The following GRM7 variants were observed in gnomAD, a reference collection of about 807,000 sequenced individuals.
GRM7 encodes metabotropic glutamate receptor 7.
In GRM7, 35 loss-of-function variants were observed where a neutral mutation model predicts 84.5. The ratio of observed to expected loss-of-function variants is 0.41; its 90% CI spans 0.32 to 0.55. The LOEUF is 0.55. Among genes scored for constraint, GRM7 ranks in the 20% least tolerant of loss-of-function variants. GRM7 has a pLI of 0.19. For missense variants in GRM7, 1,003 were observed against 1,194.6 expected, an observed-to-expected ratio of 0.84 and a Z score of 2.36; for synonymous variants, 487 against 455.1, an observed-to-expected ratio of 1.07 and a Z score of -0.89.
intron 1 of GRM7, chr3:6,956,644 T>G (rs897946159): frequency 2.2e-6 from 1 of 456,736 alleles, no homozygotes; most frequent in South Asian, 1.5e-5. Context: ...ATCTTTTCTG[T>G]GCATGTTTAC....
intron 2 of GRM7, among the ~76,000 whole-genome samples, chr3:7,242,917 T>G (rs1188586422): frequency 6.6e-6 from 1 of 152,130 alleles, no homozygotes; most frequent in African/African-American, 2.4e-5. Context: ...AAATTGACAA[T>G]GTGGAGCCAT....
chr3:7,446,422 C>A (rs796403008), intron 5 of GRM7, among the ~76,000 whole-genome samples: 1 of 149,956 alleles, frequency 6.7e-6, no homozygotes, highest in African/African-American at 2.4e-5. Flanking sequence ...TTTTGAAACA[C>A]GATTTTGTTG....
intron 2 of GRM7, among the ~76,000 whole-genome samples, chr3:7,274,192 CT>C (rs1698968957): frequency 6.6e-6 from 1 of 151,900 alleles, no homozygotes; most frequent in African/African-American, 2.4e-5. Flanking sequence ...CTTCTAGTCC[CT>C]TGTATCATTG....
At chr3:7,503,063 A>C (rs555953156) in intron 7 of GRM7, among the ~76,000 whole-genome samples, 22 of 152,284 alleles carry the variant, frequency 1.4e-4, no homozygotes, top group African/African-American at 5.3e-4. Context: ...CCCTGTCACT[A>C]TACTGTGTCT....
At chr3:7,740,291 A>G in intron 9 of GRM7, 66 bp from the exon 10 acceptor site, 1 of 1,017,964 alleles carries the variant, frequency 9.8e-7, no homozygotes, top group Non-Finnish European at 1.5e-6. Flanking sequence ...GAAAAGTTCT[A>G]ATTCTATTTC....
intron 7 of GRM7, among the ~76,000 whole-genome samples, chr3:7,548,406 C>T (rs1383935004): frequency 6.6e-6 from 1 of 152,204 alleles, no homozygotes; most frequent in Non-Finnish European, 1.5e-5. Flanking sequence ...TAGTGCCCTG[C>T]TTCTGGTATA....
chr3:7,533,051 A>G (rs1181974402), intron 7 of GRM7, among the ~76,000 whole-genome samples: 2 of 152,056 alleles, frequency 1.3e-5, no homozygotes, highest in African/African-American at 2.4e-5. Flanking sequence ...AATAATGGAG[A>G]ATTTAACACC....
At chr3:7,377,078 A>G (rs779996692) in intron 4 of GRM7, among the ~76,000 whole-genome samples, 28 of 152,388 alleles carry the variant, frequency 1.8e-4, no homozygotes, top group Middle Eastern at 3.4e-3. Context: ...ATTGAAAAAC[A>G]TGAAGATGTC....
At chr3:7,125,176 G>A (rs576922081) in intron 1 of GRM7, among the ~76,000 whole-genome samples, 17 of 152,248 alleles carry the variant, frequency 1.1e-4, no homozygotes, top group Middle Eastern at 3.4e-3. Context: ...CTGACCTCAA[G>A]TGTTCCGCCT....
In GRM7 at chr3:7,060,980, C is replaced by G. The variant is rs114879432; in HGVS notation, c.520-85472C>G. Among the ~76,000 whole-genome samples the G allele has an allele frequency of 5.3e-3, 807 of 151,878 alleles. 13 individuals carry two copies. The highest frequency in any genetic ancestry group is 3.6e-3 in the Non-Finnish European group (245 of 67,822). ...AACACACTGCCGTTGAATCCATAAG[C>G]CTTTTCCCAAGCTATTTCTGTGAAT... On this transcript the variant is annotated intron_variant, in intron 1 of 9. Transcript: ENST00000357716.
intron 1 of GRM7, among the ~76,000 whole-genome samples, chr3:6,912,375 G>A (rs1474024598): frequency 1.3e-5 from 2 of 152,076 alleles, no homozygotes; most frequent in Admixed American, 1.3e-4. Context: ...TTGGTGGAAC[G>A]TTTTAAAGGA....
At chr3:7,672,387 C>A (rs964687911) in intron 8 of GRM7, among the ~76,000 whole-genome samples, 1 of 152,124 alleles carries the variant, frequency 6.6e-6, no homozygotes. Flanking sequence ...TAATAATGTA[C>A]CCTTCCTCTT....
intron 8 of GRM7, among the ~76,000 whole-genome samples, chr3:7,583,164 G>GC (rs1695343000): frequency 6.6e-6 from 1 of 152,192 alleles, no homozygotes; most frequent in Non-Finnish European, 1.5e-5. Flanking sequence ...CAAGGCTTGG[G>GC]CCAGAGACCA....
intron 2 of GRM7, among the ~76,000 whole-genome samples, chr3:7,212,926 G>A (rs1281069690): frequency 2.0e-5 from 3 of 152,158 alleles, no homozygotes; most frequent in Non-Finnish European, 4.4e-5. Context: ...ATAGTGGCTG[G>A]AGTGGAGGGA....
chr3:7,208,857 T>C (rs1381837506), intron 2 of GRM7, among the ~76,000 whole-genome samples: 1 of 152,178 alleles, frequency 6.6e-6, no homozygotes, highest in Non-Finnish European at 1.5e-5. Context: ...GAGGGTATAA[T>C]AGATAAGCAA....
intron 2 of GRM7, among the ~76,000 whole-genome samples, chr3:7,157,960 A>G (rs1489954399): frequency 6.6e-6 from 1 of 152,138 alleles, no homozygotes; most frequent in Non-Finnish European, 1.5e-5. Flanking sequence ...AAGGATGAGA[A>G]TCTCCTGGTA....
At chr3:7,063,086 G>T (rs1697489582) in intron 1 of GRM7, among the ~76,000 whole-genome samples, 1 of 151,616 alleles carries the variant, frequency 6.6e-6, no homozygotes, top group Non-Finnish European at 1.5e-5. Flanking sequence ...CAAGCCAAAG[G>T]TTAGCTCAGC....
At chr3:7,149,445 A>C (rs1694210323) in intron 2 of GRM7, among the ~76,000 whole-genome samples, 1 of 152,174 alleles carries the variant, frequency 6.6e-6, no homozygotes, top group Non-Finnish European at 1.5e-5. Flanking sequence ...AAACAATAAG[A>C]AAATAAAAGA....
chr3:6,955,819 A>G (rs1693023041), intron 1 of GRM7, among the ~76,000 whole-genome samples: 1 of 148,496 alleles, frequency 6.7e-6, no homozygotes, highest in Non-Finnish European at 1.5e-5. Flanking sequence ...TCCAGATTGG[A>G]CGACACAGTG....
Sources: allele counts gnomAD v4.1 joint callset (sites outside exome capture counted in the v4.1 genomes callset), GRCh38; gene constraint gnomAD v4.1.1; transcripts MANE v1.5; gene names NCBI Gene and HGNC (gene_info 2026-07-23, HGNC 2026-07-21).